Variants in AFTPH observed in about 807,000 individuals in gnomAD.
The protein encoded by AFTPH is aftiphilin, also known as aftiphilin protein.
A neutral mutation model predicts 72.5 loss-of-function variants in AFTPH; 7 were observed. The observed-to-expected ratio is 0.10, with a 90% CI of 0.05 to 0.18. The LOEUF is 0.18. AFTPH is among the 10% of genes least tolerant of loss of function. The pLI, the probability that AFTPH is intolerant of heterozygous loss-of-function variation, is 1.00. For missense variants in AFTPH, 979 were observed against 1,060.5 expected (o/e 0.92, Z 1.07); for synonymous variants, 337 against 370.1 (o/e 0.91, Z 1.03).
chr2:64,531,061 CAAAAAA>C (rs370897333), intron 1 of AFTPH, among the ~76,000 whole-genome samples: 1 of 71,500 alleles, frequency 1.4e-5, no homozygotes, highest in Admixed American at 1.6e-4. Flanking sequence ...GACTTCATCT[CAAAAAA>C]AAAAAAAAAA....
intron 1 of AFTPH, among the ~76,000 whole-genome samples, chr2:64,530,684 A>G (rs1476293387): frequency 3.3e-5 from 5 of 152,204 alleles, no homozygotes; most frequent in Non-Finnish European, 7.3e-5. Context: ...CATGTCATAC[A>G]TATACATATG....
intron 1 of AFTPH, among the ~76,000 whole-genome samples, chr2:64,544,421 A>T (rs1334223025): frequency 6.6e-6 from 1 of 152,152 alleles, no homozygotes; most frequent in Non-Finnish European, 1.5e-5. Context: ...ACATGCATGC[A>T]CACACACACA....
At chr2:64,569,043 A>G in intron 3 of AFTPH, 49 bp from the exon 4 acceptor site, 1 of 1,610,578 alleles carries the variant, frequency 6.2e-7, no homozygotes, top group Non-Finnish European at 8.5e-7. Context: ...ACTCATGGTG[A>G]AAGTTATTGA....
At chr2:64,591,358 G>A (rs866925036) in intron 8 of AFTPH, among the ~76,000 whole-genome samples, 6 of 152,240 alleles carry the variant, frequency 3.9e-5, no homozygotes, top group South Asian at 2.1e-4. Context: ...CCAACAGGCT[G>A]AGACTGGGTC....
At chr2:64,564,424 G>C (rs1250629654) in intron 2 of AFTPH, among the ~76,000 whole-genome samples, 1 of 152,018 alleles carries the variant, frequency 6.6e-6, no homozygotes, top group Non-Finnish European at 1.5e-5. Flanking sequence ...CACCTCGTGA[G>C]GTAGATAGAC....
At chr2:64,583,975 T>A (rs1051168459) in intron 7 of AFTPH, among the ~76,000 whole-genome samples, 1 of 152,150 alleles carries the variant, frequency 6.6e-6, no homozygotes, top group Non-Finnish European at 1.5e-5. Flanking sequence ...AAAAACTTGT[T>A]AATCTAAATA....
chr2:64,563,971 A>G (rs2104014061), intron 2 of AFTPH, among the ~76,000 whole-genome samples: 1 of 152,326 alleles, frequency 6.6e-6, no homozygotes, highest in Middle Eastern at 3.4e-3. Flanking sequence ...AATGCAATCA[A>G]GATTTAAGTC....
intron 1 of AFTPH, among the ~76,000 whole-genome samples, chr2:64,530,397 T>C (rs1669559799): frequency 6.6e-6 from 1 of 152,200 alleles, no homozygotes; most frequent in Non-Finnish European, 1.5e-5. Context: ...AATCATTATC[T>C]ACATCATATT....
At chr2:64,552,710 A>T in exon 2 of AFTPH, 1 of 1,614,178 alleles carries the variant, frequency 6.2e-7, no homozygotes, top group East Asian at 2.2e-5. Context: ...CTTTAAGTGT[A>T]AAAAATGGTG....
At chr2:64,574,964 CTACTTGGTACATTCA>C (rs543323597) in intron 6 of AFTPH, among the ~76,000 whole-genome samples, 11 of 152,322 alleles carry the variant, frequency 7.2e-5, no homozygotes, top group African/African-American at 2.4e-4. Flanking sequence ...TTTTGAGTAA[CTACTTGGTACATTCA>C]TACTTGGTAC....
intron 1 of AFTPH, among the ~76,000 whole-genome samples, chr2:64,538,545 A>G (rs902592424): frequency 6.6e-6 from 1 of 152,224 alleles, no homozygotes; most frequent in African/African-American, 2.4e-5. Flanking sequence ...TCCCTGAAAA[A>G]TATCATGTGT....
Position 64,573,088 on chromosome 2 carries a change from T to G in AFTPH, c.2394+20T>G, listed in dbSNP as rs528606600. On this transcript the variant is annotated intron_variant, in intron 6 of 8. Coordinates refer to ENST00000238856, the Ensembl canonical transcript of AFTPH. Reference sequence around the variant, plus strand: ...TTCCAGGTAAAAATATCTATATGTGTATAAATATGTTTATGCGTGTATATA... The same window carrying G: ...TTCCAGGTAAAAATATCTATATGTGGATAAATATGTTTATGCGTGTATATA... The G allele has an allele frequency of 1.3e-6, 2 of 1,588,782 alleles. No homozygotes were observed. The highest frequency in any genetic ancestry group is 2.7e-5 in the African/African-American group (2 of 74,528).
chr2:64,525,365 GTTT>G (rs913088724), intron 1 of AFTPH: 3 of 153,236 alleles, frequency 2.0e-5, no homozygotes, highest in Admixed American at 6.6e-5. Flanking sequence ...GGATAGCAAG[GTTT>G]TTTTTTCCTT....
chr2:64,569,099 C>G (rs200541567), exon 4 of AFTPH: 50 of 1,613,792 alleles, frequency 3.1e-5, no homozygotes, highest in Non-Finnish European at 2.5e-6. Context: ...CAGGGAATTG[C>G]TAGATGTGTG....
At chr2:64,526,877 G>T (rs1428355478) in intron 1 of AFTPH, among the ~76,000 whole-genome samples, 1 of 152,198 alleles carries the variant, frequency 6.6e-6, no homozygotes, top group Non-Finnish European at 1.5e-5. Flanking sequence ...GTAAGTAGTA[G>T]TATCCCTCAT....
chr2:64,586,137 A>C (rs759538312), intron 8 of AFTPH, among the ~76,000 whole-genome samples: 9 of 152,188 alleles, frequency 5.9e-5, no homozygotes, highest in Non-Finnish European at 1.3e-4. Context: ...GATTCAGAGA[A>C]TCTTTAGTTT....
chr2:64,589,674 C>CT (rs1370259294), intron 8 of AFTPH, among the ~76,000 whole-genome samples: 8 of 152,172 alleles, frequency 5.3e-5, no homozygotes, highest in African/African-American at 1.9e-4. Flanking sequence ...TCTTTACCAA[C>CT]TGTTTCTTAG....
chr2:64,584,086 A>C (rs991891057), intron 7 of AFTPH, among the ~76,000 whole-genome samples: 4 of 152,092 alleles, frequency 2.6e-5, no homozygotes, highest in Admixed American at 2.6e-4. Context: ...GCTCTAAGAC[A>C]TTCTTCCTTA....
At chr2:64,552,440 G>A (rs749190977) in exon 2 of AFTPH, 1 of 1,614,150 alleles carries the variant, frequency 6.2e-7, no homozygotes, top group Non-Finnish European at 8.5e-7. Context: ...CACTGCAACA[G>A]GATGAATTTT....
Sources: gnomAD v4.1 joint callset for allele counts (sites outside exome capture counted in the v4.1 genomes callset) on GRCh38, gnomAD v4.1.1 for gene constraint, MANE v1.5 for transcripts, NCBI Gene and HGNC (gene_info 2026-07-23, HGNC 2026-07-21) for gene names.